Variants in MRPS35 observed in about 807,000 individuals in gnomAD.
The protein encoded by MRPS35 is small ribosomal subunit protein mS35.
In MRPS35, 29 loss-of-function variants were observed where a neutral mutation model predicts 32.7. That is an observed-to-expected ratio of 0.89 (90% CI 0.66 to 1.21). MRPS35 has a LOEUF of 1.21. Ranked by LOEUF, MRPS35 falls within the 50% of genes most tolerant of loss-of-function variation. MRPS35 has a pLI of 0.00. For missense variants in MRPS35, 373 were observed against 383.8 expected (o/e 0.97, Z 0.23); for synonymous variants, 148 against 139.3 (o/e 1.06, Z -0.44).
At chr12:27,712,942 TG>T (rs1367125712) in intron 1 of MRPS35, among the ~76,000 whole-genome samples, 3 of 152,166 alleles carry the variant, frequency 2.0e-5, no homozygotes, top group Non-Finnish European at 4.4e-5. Flanking sequence ...CACCTGAGCC[TG>T]GGAAGTCGAT....
intron 7 of MRPS35, among the ~76,000 whole-genome samples, chr12:27,751,096 C>T (rs554760585): frequency 6.0e-4 from 36 of 59,876 alleles, no homozygotes; most frequent in Admixed American, 2.2e-3. Context: ...GAGTGAGACT[C>T]CATCTCAAAA....
At chr12:27,722,971 TCACCTAGAAGAGCTCC>T (rs1175076442) in intron 4 of MRPS35, among the ~76,000 whole-genome samples, 1 of 152,322 alleles carries the variant, frequency 6.6e-6, no homozygotes, top group East Asian at 1.9e-4. Context: ...CCTTAGACTG[TCACCTAGAAGAGCTCC>T]CACATCTGCC....
Position 27,734,538 on chromosome 12 carries a change from G to A in MRPS35, c.523-909G>A, listed in dbSNP as rs566462061. On this transcript the variant is annotated intron_variant, in intron 5 of 7. Coordinates refer to ENST00000081029, the MANE Select transcript of MRPS35 (RefSeq NM_021821.4). ...TTACAGGCATGAGCCACCGTGCCTGGCCTATCTTCTTGTATCAAATGTATT... is the reference window on the plus strand; with the variant it reads ...TTACAGGCATGAGCCACCGTGCCTGACCTATCTTCTTGTATCAAATGTATT... Among the ~76,000 whole-genome samples, 3 of 152,210 alleles carry A rather than the reference G, an allele frequency of 2.0e-5. No individual in the cohort carries two copies. In the South Asian group the frequency reaches 6.2e-4, roughly 32 times the overall value.
At chr12:27,726,259 T>C (rs1243297616) in intron 5 of MRPS35, among the ~76,000 whole-genome samples, 2 of 152,160 alleles carry the variant, frequency 1.3e-5, no homozygotes, top group Non-Finnish European at 2.9e-5. Context: ...AATGGAACCA[T>C]GCAATATGTT....
rs1009233206 is a variant in MRPS35 at position 27,720,959 on chromosome 12, G to A, written c.382+1091G>A. Among the ~76,000 whole-genome samples, 4 of 152,042 alleles carry A rather than the reference G, an allele frequency of 2.6e-5. No homozygotes were observed. The East Asian group carries it at 7.7e-4, about 29-fold the overall frequency. ...TATGATTGATTAGATTTATTTAGGA[G>A]TTGGTACCTTTGGATAAAGTCTTAA... On this transcript the variant is annotated intron_variant, in intron 4 of 7. Transcript: ENST00000081029.
At chr12:27,722,010 A>G (rs1328633253) in intron 4 of MRPS35, among the ~76,000 whole-genome samples, 1 of 152,194 alleles carries the variant, frequency 6.6e-6, no homozygotes, top group African/African-American at 2.4e-5. Flanking sequence ...ACAGAGTGAG[A>G]CCCTGTCGCA....
chr12:27,750,704 C>T (rs2061998515), intron 7 of MRPS35, among the ~76,000 whole-genome samples: 1 of 152,130 alleles, frequency 6.6e-6, no homozygotes, highest in South Asian at 2.1e-4. Context: ...ACTCCGGAGG[C>T]TGAGGCAAGG....
intron 4 of MRPS35, among the ~76,000 whole-genome samples, chr12:27,723,318 G>A (rs1040371278): frequency 2.6e-5 from 4 of 151,272 alleles, no homozygotes; most frequent in Admixed American, 6.6e-5. Flanking sequence ...ATGCTTCTGT[G>A]TTATGAAGAT....
intron 5 of MRPS35, among the ~76,000 whole-genome samples, chr12:27,728,120 G>A (rs2061907542): frequency 6.6e-6 from 1 of 151,996 alleles, no homozygotes. Flanking sequence ...TGTGAAGCTG[G>A]GGTCCAGCTT....
chr12:27,745,016 C>T (rs1471442071), intron 7 of MRPS35, among the ~76,000 whole-genome samples: 1 of 152,116 alleles, frequency 6.6e-6, no homozygotes, highest in Non-Finnish European at 1.5e-5. Flanking sequence ...AGTGCAGTGG[C>T]GTGATCTCGG....
intron 1 of MRPS35, 89 bp from the exon 2 acceptor site, chr12:27,714,691 G>T: frequency 2.6e-5 from 22 of 858,024 alleles, no homozygotes; most frequent in East Asian, 5.7e-5. Flanking sequence ...CTTAAATTGT[G>T]TTAGAATAAT....
intron 5 of MRPS35, among the ~76,000 whole-genome samples, chr12:27,734,466 C>A (rs2061935278): frequency 6.6e-6 from 1 of 152,084 alleles, no homozygotes; most frequent in Admixed American, 6.6e-5. Context: ...GTCTTGAACT[C>A]CTGACCTCAG....
At chr12:27,730,025 G>A (rs935998749) in intron 5 of MRPS35, among the ~76,000 whole-genome samples, 1 of 152,156 alleles carries the variant, frequency 6.6e-6, no homozygotes, top group Non-Finnish European at 1.5e-5. Flanking sequence ...TTTACAGAAA[G>A]GTTCCAAGAA....
rs1041969141 is a variant in MRPS35 at position 27,716,302 on chromosome 12, T to C, written c.165T>C (p.Pro55=). 3.7e-6 allele frequency: 6 copies of C among 1,609,670 alleles called. No individual in the cohort carries two copies. The highest frequency in any genetic ancestry group is 5.1e-6 in the Non-Finnish European group (6 of 1,178,504). The change falls in exon 3 of 8, where the codon CCT becomes CCC. Residue 55 remains proline, a synonymous_variant. Transcript: ENST00000081029. The part of the protein sequence containing the change: ...ERPPRRKALP[P]RTEKMAVDQD... ...TTTATATTTCTTAGGCACTACCTCCTAGGACAGAGAAAATGGCTGTTGACC... is the reference window on the plus strand; with the variant it reads ...TTTATATTTCTTAGGCACTACCTCCCAGGACAGAGAAAATGGCTGTTGACC...
At chr12:27,713,979 TAGA>T (rs2061838749) in intron 1 of MRPS35, among the ~76,000 whole-genome samples, 1 of 147,652 alleles carries the variant, frequency 6.8e-6, no homozygotes, top group African/African-American at 2.5e-5. Context: ...GGTGCTGAGG[TAGA>T]AGGATTGGCT....
intron 4 of MRPS35, among the ~76,000 whole-genome samples, chr12:27,720,874 T>C (rs2061871435): frequency 6.6e-6 from 1 of 151,582 alleles, no homozygotes; most frequent in South Asian, 2.1e-4. Flanking sequence ...TTTTAACTCA[T>C]GGTTCTGTGT....
At chr12:27,711,072 C>A (rs1269303009) in intron 1 of MRPS35, 117 bp downstream of exon 1, 5 of 870,026 alleles carry the variant, frequency 5.7e-6, no homozygotes, top group African/African-American at 3.3e-5. Context: ...CCAGTGCGTC[C>A]GCTGCCAGGC....
Position 27,735,527 on chromosome 12 carries a change from C to T in MRPS35, c.603C>T (p.Thr201=). ...TTGTAGGAGAGCGATACTGCAAGAC[C>T]ACAGATGTGCTTACCATCAAAACAG... The part of the protein sequence containing the change: ...IKLVGERYCK[T]TDVLTIKTDR... Residue 201 remains threonine, a synonymous_variant, in exon 6 of 8, where the codon ACC becomes ACT. Coordinates refer to ENST00000081029, the MANE Select transcript of MRPS35 (RefSeq NM_021821.4). 3.1e-6 allele frequency: 5 copies of T among 1,611,542 alleles called. No homozygotes were observed. Among genetic ancestry groups the T allele is most frequent in the Non-Finnish European group, 4.2e-6 (5 of 1,179,050 alleles).
In MRPS35 at chr12:27,710,902, G is replaced by A. The variant is rs1315842373; in HGVS notation, c.59G>A (p.Arg20His). The change falls in exon 1 of 8, where the codon CGT (arginine) becomes CAT (histidine). Residue 20 changes from arginine (R) to histidine (H), a missense_variant. Physicochemically the swap from Arg to His is conservative, Grantham distance 29. Transcript: ENST00000081029. Reference sequence around the variant, plus strand: ...CTGCAGTCGAGGGCAAGGACTCTGCGTGCATTCTCCACTGCCGTCTACTCG... The same window carrying A: ...CTGCAGTCGAGGGCAAGGACTCTGCATGCATTCTCCACTGCCGTCTACTCG... ...LSLQSRARTLRAFSTAVYSAT... is the reference protein window; with the variant it reads ...LSLQSRARTLHAFSTAVYSAT... 2 of 1,612,886 alleles carry A rather than the reference G, an allele frequency of 1.2e-6. No individual in the cohort carries two copies. The highest frequency in any genetic ancestry group is 2.2e-5 in the East Asian group (1 of 44,882).
Sources: gnomAD v4.1 joint callset for allele counts (sites outside exome capture counted in the v4.1 genomes callset) on GRCh38, gnomAD v4.1.1 for gene constraint, MANE v1.5 for transcripts, NCBI Gene and HGNC (gene_info 2026-07-23, HGNC 2026-07-21) for gene names.